The following STRN4 variants were observed in gnomAD, a reference collection of about 807,000 sequenced individuals.
STRN4 encodes the protein striatin 4.
In STRN4, 27 loss-of-function variants were observed where a neutral mutation model predicts 77.9. That is an observed-to-expected ratio of 0.35 (90% CI 0.26 to 0.48). STRN4 has a LOEUF of 0.48. Among genes scored for constraint, STRN4 ranks in the 20% least tolerant of loss-of-function variants. The pLI is 0.99. For synonymous variants in STRN4, 466 were observed against 443.1 expected (o/e 1.05, Z -0.65); for missense variants, 798 against 1,049.7 (o/e 0.76, Z 3.31).
At position 46,746,299 on chromosome 19, in the gene STRN4, T is replaced by G; in HGVS notation, c.132A>C (p.Ala44=). 1 of 1,383,502 alleles carries G rather than the reference T, an allele frequency of 7.2e-7. No individual in the cohort carries two copies. The highest frequency in any genetic ancestry group is 9.3e-7 in the Non-Finnish European group (1 of 1,070,302). The allele number at this position is 1,383,502 out of a possible 1,614,324, so 85.7% of individuals were successfully genotyped here. A position where few individuals can be genotyped will look rare whatever the true frequency, so the allele number is the denominator to read the frequency against. The change falls in exon 1 of 18, where the codon GCA becomes GCC. Residue 44 remains alanine (A), a synonymous_variant. Coordinates refer to ENST00000263280, the MANE Select transcript of STRN4 (RefSeq NM_013403.3). Reference sequence around the variant, plus strand: ...TGCCTCCGCCGCCGCCTCCCTTACCTGCCGGGCCCGGCCCGGGGGCAGGGG... The same window carrying G: ...TGCCTCCGCCGCCGCCTCCCTTACCGGCCGGGCCCGGCCCGGGGGCAGGGG... ...VSAPAPGPGP[A]GKGGGGGGSP... is the part of the protein sequence containing the mutation.
intron 5 of STRN4, chr19:46,732,755 T>C: frequency 2.5e-6 from 1 of 405,720 alleles, no homozygotes; most frequent in South Asian, 3.5e-5. Flanking sequence ...GGGTGTGCCT[T>C]CGGTAAGCAC....
Position 46,738,210 on chromosome 19 carries a change from C to T in STRN4, c.414G>A (p.Gly138=), listed in dbSNP as rs1420091148. The T allele has an allele frequency of 6.8e-6, 11 of 1,614,168 alleles. No homozygotes were observed. Among genetic ancestry groups the T allele is most frequent in the South Asian group, 1.1e-5 (1 of 91,082 alleles). ...ERAKYHKLKF[G]TDLNQGEKKA... ...TCTTCTCCCCCTGGTTCAGGTCTGT[C>T]CCAAACTTCAGTTTATGATATTTGG... The change falls in exon 3 of 18, where the codon GGG becomes GGA. Residue 138 remains glycine (G), a synonymous_variant. Coordinates refer to ENST00000263280, the MANE Select transcript of STRN4 (RefSeq NM_013403.3). This position sits in a 1 kb window ranked among gnomAD's most constrained non-coding sequence, Gnocchi z 4.5.
At chr19:46,729,236 C>A (rs1599873048) in intron 6 of STRN4, among the ~76,000 whole-genome samples, 1 of 152,238 alleles carries the variant, frequency 6.6e-6, no homozygotes, top group Non-Finnish European at 1.5e-5. Flanking sequence ...CTGACTACCC[C>A]TCGCAGACAC....
At chr19:46,729,929 C>T (rs2054210032) in intron 6 of STRN4, among the ~76,000 whole-genome samples, 1 of 152,150 alleles carries the variant, frequency 6.6e-6, no homozygotes, top group Non-Finnish European at 1.5e-5. Flanking sequence ...GAGCCATGGG[C>T]AGTCCCCTGG....
In STRN4 at chr19:46,722,816, T is replaced by G. The variant is rs1374674205; in HGVS notation, c.1900A>C (p.Ser634Arg). Residue 634 changes from serine to arginine, a missense_variant, in exon 14 of 18, where the codon AGC (serine) becomes CGC (arginine). Coordinates refer to ENST00000263280, the MANE Select transcript of STRN4 (RefSeq NM_013403.3). ...CTGATGTCAGCCCCCTTACCGCTGC[T>G]GCCCCGGGACTCCAGCGTGAGGAGG... is the stretch of plus-strand genomic sequence containing the variant. ...SALLTLESRG[S>R]SGPTQINQVV... 1 of 1,613,810 alleles carries G rather than the reference T, an allele frequency of 6.2e-7. No individual in the cohort carries two copies. The highest frequency in any genetic ancestry group is 2.2e-5 in the East Asian group (1 of 44,884).
intron 6 of STRN4, 149 bp downstream of exon 6, chr19:46,730,583 C>A (rs1460894918): frequency 2.4e-6 from 3 of 1,261,578 alleles, no homozygotes; most frequent in Non-Finnish European, 3.3e-6. Flanking sequence ...CCGCTGCTGG[C>A]CACAAGCTCC....
chr19:46,727,841 C>T, intron 8 of STRN4, 53 bp downstream of exon 8: 2 of 1,479,504 alleles, frequency 1.4e-6, no homozygotes, highest in Non-Finnish European at 9.2e-7. Context: ...GCTCTGCAGC[C>T]TCCCTCTGCC....
chr19:46,740,546 G>A (rs527518814), intron 1 of STRN4, among the ~76,000 whole-genome samples: 2 of 151,590 alleles, frequency 1.3e-5, no homozygotes, highest in Non-Finnish European at 2.9e-5. Flanking sequence ...GAGGCAGACC[G>A]ACCACCGAAG....
intron 4 of STRN4, 48 bp downstream of exon 4, chr19:46,736,775 A>G (rs2054373921): frequency 6.3e-7 from 1 of 1,589,632 alleles, no homozygotes. Context: ...TTATCTCTCA[A>G]GCCAAACGTG....
chr19:46,742,318 A>C (rs2054489244), intron 1 of STRN4, among the ~76,000 whole-genome samples: 1 of 152,004 alleles, frequency 6.6e-6, no homozygotes, highest in African/African-American at 2.4e-5. Context: ...CATTCAACAC[A>C]CAGGTACCAA....
chr19:46,725,184 G>C, intron 11 of STRN4, 148 bp downstream of exon 11: 1 of 1,169,090 alleles, frequency 8.6e-7, no homozygotes, highest in Non-Finnish European at 1.2e-6. Flanking sequence ...CCAAGAACCA[G>C]GGCTGTGTAT....
Position 46,732,787 on chromosome 19 carries a change from C to A in STRN4, c.737+252G>T, listed in dbSNP as rs139493965. On this transcript the variant is annotated intron_variant, in intron 5 of 17. Transcript: ENST00000263280. ...GCACCCCACTCGACCGAGAAGCGGG[C>A]AGGCCTGAGTATCAGGACGGGGGCA... 58 of 487,548 alleles carry A rather than the reference C, an allele frequency of 1.2e-4. No homozygotes were observed. The East Asian group carries it at 1.9e-3, about 16-fold the overall frequency. 30.2% of individuals were successfully genotyped at this position (487,548 alleles called of 1,614,324 possible). A position where few individuals can be genotyped will look rare whatever the true frequency, so the allele number is the denominator to read the frequency against.
intron 3 of STRN4, among the ~76,000 whole-genome samples, chr19:46,737,426 G>A (rs2054388860): frequency 6.6e-6 from 1 of 152,186 alleles, no homozygotes. Context: ...ACCTGCCCTT[G>A]TGGAACTTCC....
intron 9 of STRN4, among the ~76,000 whole-genome samples, chr19:46,726,824 C>A (rs535316823): frequency 1.2e-4 from 18 of 152,280 alleles, no homozygotes; most frequent in African/African-American, 4.1e-4. Flanking sequence ...GTGGTTCACT[C>A]ACCCCCTCCC....
rs982585407 is a variant in STRN4, at chr19:46,728,847, G to C, written c.880-70C>G. On this transcript the variant is annotated intron_variant, in intron 6 of 17. Coordinates refer to ENST00000263280, the MANE Select transcript of STRN4 (RefSeq NM_013403.3). ...AGAGACTAAGCCACCTCCGTGCCTA[G>C]GAACAGGTAAGCCGGGGCTCTGGGC... 4 of 1,583,218 alleles carry C rather than the reference G, an allele frequency of 2.5e-6. No individual in the cohort carries two copies. The African/African-American group carries it at 5.4e-5, about 21-fold the overall frequency.
Position 46,746,040 on chromosome 19 carries a change from C to A in STRN4, c.282+109G>T, listed in dbSNP as rs562627844. On this transcript the variant is annotated intron_variant, in intron 1 of 17. Transcript: ENST00000263280. ...GTCGCGGTCCCCTCCCGCCCCCCCG[C>A]CGGCCGTCCCGGCGGCCATTGCTCC... The A allele has an allele frequency of 6.2e-5, 73 of 1,182,406 alleles. 3 individuals are homozygous for A. Among genetic ancestry groups the A allele is most frequent in the South Asian group, 4.5e-4 (20 of 44,384 alleles). The allele number at this position is 1,182,406 out of a possible 1,614,324, so 73.2% of individuals were successfully genotyped here.
At chr19:46,734,753 C>T (rs974231452) in intron 4 of STRN4, among the ~76,000 whole-genome samples, 3 of 152,174 alleles carry the variant, frequency 2.0e-5, no homozygotes, top group African/African-American at 7.2e-5. Flanking sequence ...CAAGCTCCGT[C>T]TCCCGGGTTC....
intron 14 of STRN4, 26 bp downstream of exon 14, chr19:46,722,784 C>T: frequency 6.2e-7 from 1 of 1,612,468 alleles, no homozygotes; most frequent in South Asian, 1.1e-5. Flanking sequence ...GAGACCAATT[C>T]CATGAGCTGA....
chr19:46,734,808 G>A (rs1416032525), intron 4 of STRN4, among the ~76,000 whole-genome samples: 1 of 152,094 alleles, frequency 6.6e-6, no homozygotes, highest in Non-Finnish European at 1.5e-5. Flanking sequence ...GGGACTACAG[G>A]CACCCGCCAC....
Sources: gnomAD v4.1 joint callset for allele counts (sites outside exome capture counted in the v4.1 genomes callset) on GRCh38, gnomAD v4.1.1 for gene constraint, Gnocchi (gnomAD v3.1) non-coding constraint, MANE v1.5 for transcripts, NCBI Gene and HGNC (gene_info 2026-07-23, HGNC 2026-07-21) for gene names.